ACSL3: variants seen among roughly 807,000 people sequenced by gnomAD.
The protein encoded by ACSL3 is acyl-CoA synthetase long chain family member 3, also known as fatty acid CoA ligase Acsl3.
In ACSL3, 34 loss-of-function variants were observed where a neutral mutation model predicts 84.7. The ratio of observed to expected loss-of-function variants is 0.40; its 90% CI spans 0.31 to 0.53. ACSL3 has a LOEUF of 0.53. Ranked by LOEUF, ACSL3 falls within the 20% of genes least tolerant of loss-of-function variation. The pLI is 0.48. For synonymous variants in ACSL3, 315 were observed against 299.4 expected (o/e 1.05, Z -0.54); for missense variants, 680 against 873.1 (o/e 0.78, Z 2.79).
At chr2:222,928,325 G>C (rs1574563295) in intron 12 of ACSL3, among the ~76,000 whole-genome samples, 1 of 152,160 alleles carries the variant, frequency 6.6e-6, no homozygotes, top group African/African-American at 2.4e-5. Context: ...ACATTACATG[G>C]GAAAAGATTA....
intron 3 of ACSL3, among the ~76,000 whole-genome samples, chr2:222,904,175 G>A (rs1056969932): frequency 2.0e-5 from 3 of 152,144 alleles, no homozygotes; most frequent in Non-Finnish European, 2.9e-5. Context: ...GGAGTCTGAG[G>A]CAGGAGAATT....
Position 222,941,861 on chromosome 2 carries a change from AACTT to A in ACSL3, c.*212_*215del, listed in dbSNP as rs1697321371. Reference sequence around the variant, plus strand: ...CTCTTCTTTCATTTTCCCCGCCACCAACTTACTTTACCACCTATGACTGTACTTG... The same window carrying A: ...CTCTTCTTTCATTTTCCCCGCCACCAACTTTACCACCTATGACTGTACTTG... On this transcript the variant is annotated 3_prime_UTR_variant, in exon 17 of 17. Coordinates refer to ENST00000357430, the MANE Select transcript of ACSL3 (RefSeq NM_004457.5). 2 of 496,710 alleles carry A rather than the reference AACTT, an allele frequency of 4.0e-6. No individual in the cohort carries two copies. Among genetic ancestry groups the A allele is most frequent in the East Asian group, 6.7e-5 (2 of 30,036 alleles). 30.8% of individuals were successfully genotyped at this position (496,710 alleles called of 1,614,324 possible). A position where few individuals can be genotyped will look rare whatever the true frequency, so the allele number is the denominator to read the frequency against.
chr2:222,880,946 T>C (rs1340773446), intron 1 of ACSL3, among the ~76,000 whole-genome samples: 1 of 152,228 alleles, frequency 6.6e-6, no homozygotes, highest in African/African-American at 2.4e-5. Flanking sequence ...CTTCAGATTT[T>C]CTTGTCAGGC....
chr2:222,880,554 C>T (rs541642206), intron 1 of ACSL3, among the ~76,000 whole-genome samples: 13 of 152,022 alleles, frequency 8.6e-5, no homozygotes, highest in South Asian at 2.1e-4. Flanking sequence ...TTTGGCCGGG[C>T]GCGGTGGCTC....
At position 222,933,215 on chromosome 2, in the gene ACSL3, T is replaced by A; in HGVS notation, c.1782T>A (p.Leu594=). 1 of 1,614,018 alleles carries A rather than the reference T, an allele frequency of 6.2e-7. No homozygotes were observed. Among genetic ancestry groups the A allele is most frequent in the South Asian group, 1.1e-5 (1 of 91,066 alleles). ...VKLQAGEYVS[L]GKVEAALKNL... ...TACAGGCAGGGGAATATGTTTCTCTTGGGAAAGTAGAGGCAGCTTTGAAGA... is the reference window on the plus strand; with the variant it reads ...TACAGGCAGGGGAATATGTTTCTCTAGGGAAAGTAGAGGCAGCTTTGAAGA... Residue 594 remains leucine (L), a synonymous_variant, in exon 15 of 17, where the codon CTT becomes CTA. Coordinates refer to ENST00000357430, the MANE Select transcript of ACSL3 (RefSeq NM_004457.5).
chr2:222,905,410 C>G (rs1026541917), intron 3 of ACSL3, among the ~76,000 whole-genome samples: 1 of 152,208 alleles, frequency 6.6e-6, no homozygotes, highest in South Asian at 2.1e-4. Flanking sequence ...ATCCGCCTGC[C>G]TTGGCCTCCC....
intron 11 of ACSL3, among the ~76,000 whole-genome samples, chr2:222,925,342 CAAAA>C (rs34016050): frequency 5.8e-5 from 5 of 85,474 alleles, no homozygotes; most frequent in Middle Eastern, 6.8e-3. Context: ...ACTCTTGTCT[CAAAA>C]AAAAAAAAAA....
At chr2:222,903,848 A>C (rs530165625) in intron 3 of ACSL3, among the ~76,000 whole-genome samples, 1 of 152,302 alleles carries the variant, frequency 6.6e-6, no homozygotes, top group South Asian at 2.1e-4. Context: ...GTATTCAGTG[A>C]GCAGGTCAAT....
In ACSL3 at chr2:222,932,657, C is replaced by T. The variant is rs1290421267; in HGVS notation, c.1733-509C>T. On this transcript the variant is annotated intron_variant, in intron 14 of 16. Transcript: ENST00000357430. ...TTTTCTTTTAAAAGCATGGGCCGGGCGCGGTGGCTCACGCCTGTAATCCCA... is the reference window on the plus strand; with the variant it reads ...TTTTCTTTTAAAAGCATGGGCCGGGTGCGGTGGCTCACGCCTGTAATCCCA... 4.8e-5 allele frequency among the ~76,000 whole-genome samples: 2 copies of T among 41,580 alleles called. 1 individual carries two copies. Among genetic ancestry groups the T allele is most frequent in the Non-Finnish European group, 7.9e-5 (2 of 25,256 alleles). The allele number at this position is 41,580 out of a possible 152,430, so 27.3% of individuals were successfully genotyped here.
At chr2:222,916,583 GTT>G in intron 5 of ACSL3, 87 bp downstream of exon 5, 1 of 1,369,666 alleles carries the variant, frequency 7.3e-7, no homozygotes, top group Non-Finnish European at 9.7e-7. Flanking sequence ...AAATTCTGAT[GTT>G]AATTTTCACC....
intron 5 of ACSL3, 90 bp downstream of exon 5, chr2:222,916,586 A>C (rs746873829): frequency 2.9e-6 from 4 of 1,360,340 alleles, no homozygotes; most frequent in Non-Finnish European, 3.9e-6. Flanking sequence ...TTCTGATGTT[A>C]ATTTTCACCC....
intron 2 of ACSL3, among the ~76,000 whole-genome samples, chr2:222,895,387 C>A (rs1239138432): frequency 6.6e-6 from 1 of 152,104 alleles, no homozygotes; most frequent in Non-Finnish European, 1.5e-5. Context: ...TGGTTCATAG[C>A]TATCAGTCTG....
rs1199675877 is a variant in ACSL3, at chr2:222,943,363, G to T, written c.*1709G>T. ...ATATTGAATGGAACTTCTATATGAG[G>T]ATGCTGTGATCTAAAAATTAAATCT... On this transcript the variant is annotated 3_prime_UTR_variant, in exon 17 of 17. Coordinates refer to ENST00000357430, the MANE Select transcript of ACSL3 (RefSeq NM_004457.5). The T allele has an allele frequency of 5.4e-6, 1 of 185,330 alleles. No homozygotes were observed. Among genetic ancestry groups the T allele is most frequent in the African/African-American group, 2.3e-5 (1 of 42,566 alleles). The allele number at this position is 185,330 out of a possible 1,614,324, so 11.5% of individuals were successfully genotyped here.
At chr2:222,921,555 C>A in intron 8 of ACSL3, 125 bp downstream of exon 8, 2 of 921,850 alleles carry the variant, frequency 2.2e-6, no homozygotes, top group South Asian at 3.3e-5. Flanking sequence ...GTAGGCATTT[C>A]CTTAAAAAAT....
chr2:222,893,577 G>T (rs145921118), intron 2 of ACSL3, among the ~76,000 whole-genome samples: 1 of 152,116 alleles, frequency 6.6e-6, no homozygotes, highest in Non-Finnish European at 1.5e-5. Context: ...CATTTGATAC[G>T]TTAGTCTGAA....
Position 222,943,952 on chromosome 2 carries a change from ATTG to A in ACSL3, c.*2301_*2303del, listed in dbSNP as rs1251716749. On this transcript the variant is annotated 3_prime_UTR_variant, in exon 17 of 17. Transcript: ENST00000357430. ...TCTAAAAGAATGGTTCTTAAGAACT[ATTG>A]TTTACTGGGAATAAACTAAGCTCTA... 2 of 152,128 alleles carry A rather than the reference ATTG, an allele frequency of 1.3e-5. No homozygotes were observed. Among genetic ancestry groups the A allele is most frequent in the African/African-American group, 4.8e-5 (2 of 41,444 alleles). 9.4% of individuals were successfully genotyped at this position (152,128 alleles called of 1,614,324 possible). A position where few individuals can be genotyped will look rare whatever the true frequency, so the allele number is the denominator to read the frequency against.
At chr2:222,917,286 T>C (rs545049374) in intron 5 of ACSL3, 1 of 152,442 alleles carries the variant, frequency 6.6e-6, no homozygotes, top group Admixed American at 6.5e-5. Flanking sequence ...AGATGGGGTT[T>C]CACCCTGTTG....
intron 1 of ACSL3, among the ~76,000 whole-genome samples, chr2:222,886,647 C>T (rs1009650326): frequency 6.6e-6 from 1 of 152,168 alleles, no homozygotes; most frequent in African/African-American, 2.4e-5. Flanking sequence ...GTATTAATAT[C>T]ACCACATATA....
intron 4 of ACSL3, among the ~76,000 whole-genome samples, chr2:222,912,456 G>T (rs1696469353): frequency 6.6e-6 from 1 of 152,196 alleles, no homozygotes; most frequent in Non-Finnish European, 1.5e-5. Context: ...AGCTGATCAA[G>T]CTCAGTGAAG....
Sources: allele counts gnomAD v4.1 joint callset (sites outside exome capture counted in the v4.1 genomes callset), GRCh38; gene constraint gnomAD v4.1.1; transcripts MANE v1.5; gene names NCBI Gene and HGNC (gene_info 2026-07-23, HGNC 2026-07-21).